The following ANKS1B variants were observed in gnomAD, a reference collection of about 807,000 sequenced individuals.
ANKS1B encodes ankyrin repeat and sterile alpha motif domain containing 1B.
ANKS1B carries 36 observed loss-of-function variants against 148.3 expected under a neutral mutation model. The ratio of observed to expected loss-of-function variants is 0.24; its 90% CI spans 0.19 to 0.32. The LOEUF (loss-of-function observed/expected upper bound fraction) is 0.32. Among genes scored for constraint, ANKS1B ranks in the 10% least tolerant of loss-of-function variants. ANKS1B has a pLI of 1.00. For synonymous variants in ANKS1B, 542 were observed against 560.8 expected, an observed-to-expected ratio of 0.97 and a Z score of 0.47; for missense variants, 1,157 against 1,542.6, an observed-to-expected ratio of 0.75 and a Z score of 4.19.
intron 12 of ANKS1B, among the ~76,000 whole-genome samples, chr12:99,388,131 TA>T (rs1211769587): frequency 6.6e-6 from 1 of 152,034 alleles, no homozygotes. Context: ...ATATCCTTTT[TA>T]AAAAAATAAA....
At chr12:99,867,121 CT>C (rs2090863684) in intron 1 of ANKS1B, among the ~76,000 whole-genome samples, 1 of 152,138 alleles carries the variant, frequency 6.6e-6, no homozygotes, top group Non-Finnish European at 1.5e-5. Context: ...CACCTGGCCA[CT>C]GTAAAGATTA....
At chr12:99,504,383 A>G (rs2096685925) in intron 10 of ANKS1B, 93 bp downstream of exon 10, 2 of 1,293,254 alleles carry the variant, frequency 1.5e-6, no homozygotes, top group Non-Finnish European at 2.2e-6. Context: ...TTTCATTTTG[A>G]TAACATAGTA....
intron 22 of ANKS1B, among the ~76,000 whole-genome samples, chr12:98,784,253 G>A (rs1409424331): frequency 6.6e-6 from 1 of 152,198 alleles, no homozygotes; most frequent in Non-Finnish European, 1.5e-5. Flanking sequence ...GGACAAGGTG[G>A]TTTAAGGAGT....
chr12:99,933,804 TTTGTC>T (rs2094687973), intron 1 of ANKS1B, among the ~76,000 whole-genome samples: 1 of 152,112 alleles, frequency 6.6e-6, no homozygotes, highest in Admixed American at 6.6e-5. Context: ...AGGAAGCATC[TTTGTC>T]TTGTTCTAGA....
intron 17 of ANKS1B, 128 bp downstream of exon 17, chr12:99,053,029 A>G (rs951038864): frequency 1.2e-6 from 1 of 815,944 alleles, no homozygotes; most frequent in African/African-American, 1.8e-5. Context: ...CTTGAGAGAG[A>G]TCGATATTTA....
intron 17 of ANKS1B, among the ~76,000 whole-genome samples, chr12:98,955,776 T>C (rs1028122339): frequency 6.6e-6 from 1 of 152,146 alleles, no homozygotes; most frequent in Non-Finnish European, 1.5e-5. Flanking sequence ...TGGAGAAGTC[T>C]TTTTTAGGGA....
Position 99,424,009 on chromosome 12 carries a change from T to C in ANKS1B, c.1575+19664A>G, listed in dbSNP as rs145709404. On this transcript the variant is annotated intron_variant, in intron 11 of 26. Transcript: ENST00000683438. ...TGAGGGTTAAATTTTTTAAAAAGAT[T>C]ATGAATTGATTAACTTCTCGACTTA... Among the ~76,000 whole-genome samples, 20 of 152,266 alleles carry C rather than the reference T, an allele frequency of 1.3e-4. 1 individual carries two copies. The highest frequency in any genetic ancestry group is 4.6e-4 in the African/African-American group (19 of 41,538).
At chr12:99,633,919 A>G (rs1465762591) in intron 9 of ANKS1B, among the ~76,000 whole-genome samples, 2 of 152,190 alleles carry the variant, frequency 1.3e-5, no homozygotes, top group South Asian at 2.1e-4. Context: ...TGCCTGTATA[A>G]CACCACTGTA....
At chr12:98,769,208 G>GC (rs1593165481) in intron 25 of ANKS1B, among the ~76,000 whole-genome samples, 2 of 105,888 alleles carry the variant, frequency 1.9e-5, no homozygotes, top group East Asian at 7.3e-4. Flanking sequence ...ATTTGGGGCA[G>GC]CCCAGGGGAC....
rs755043837 is a variant in ANKS1B at position 99,246,432 on chromosome 12, T to A, written c.2189A>T (p.His730Leu). 1 of 1,613,922 alleles carries A rather than the reference T, an allele frequency of 6.2e-7. No individual in the cohort carries two copies. The highest frequency in any genetic ancestry group is 1.1e-5 in the South Asian group (1 of 91,068). Residue 730 changes from histidine (H) to leucine (L), a missense_variant, in exon 13 of 27, where the codon CAT becomes CTT. Physicochemically the swap from His to Leu is moderately conservative, Grantham distance 99 (BLOSUM62 -3). This residue lies in a region of ANKS1B where 661 missense variants were observed against 642.1 expected (regional missense o/e 1.03). Transcript: ENST00000683438. ...RSLPKALIDM[H>L]LSKSVSKSDS... ...AGATTTAGAGACACTTTTTGACAAA[T>A]GCATGTCGATCAAGGCTTTAGGCAA... is the stretch of plus-strand genomic sequence containing the variant.
intron 1 of ANKS1B, among the ~76,000 whole-genome samples, chr12:99,923,526 T>G (rs778331637): frequency 1.9e-4 from 29 of 152,082 alleles, no homozygotes; most frequent in Non-Finnish European, 3.8e-4. Context: ...GCCCTTCTGA[T>G]AGAAGGCCAG....
At chr12:99,609,803 C>T (rs1369012867) in intron 9 of ANKS1B, among the ~76,000 whole-genome samples, 1 of 152,070 alleles carries the variant, frequency 6.6e-6, no homozygotes, top group Non-Finnish European at 1.5e-5. Flanking sequence ...ACACAACAGT[C>T]ACAATCCAAA....
At chr12:99,046,177 C>A (rs2099962205) in intron 17 of ANKS1B, among the ~76,000 whole-genome samples, 1 of 152,022 alleles carries the variant, frequency 6.6e-6, no homozygotes, top group South Asian at 2.1e-4. Context: ...CAATACTCTG[C>A]CTTGCCTAAC....
chr12:99,078,753 C>T (rs2048665169), intron 16 of ANKS1B, among the ~76,000 whole-genome samples: 1 of 151,678 alleles, frequency 6.6e-6, no homozygotes, highest in Admixed American at 6.6e-5. Context: ...CCCACCCTGC[C>T]CGCCCTACCC....
chr12:98,798,807 T>C, intron 22 of ANKS1B, 127 bp downstream of exon 22: 1 of 669,762 alleles, frequency 1.5e-6, no homozygotes, highest in Non-Finnish European at 2.4e-6. Context: ...CACCTTTTTA[T>C]GTAATACCAA....
rs1278645811 is a variant in ANKS1B, at chr12:99,002,740, C to T, written c.2778+50417G>A. On this transcript the variant is annotated intron_variant, in intron 17 of 26. Transcript: ENST00000683438. The stretch of plus-strand genomic sequence containing the variant: ...GTTCCTTGTATATTTCAGAAATTAA[C>T]CCCTTCTCCATTACATAGTTTGCAA... Among the ~76,000 whole-genome samples, 7 of 152,114 alleles carry T rather than the reference C, an allele frequency of 4.6e-5. No individual in the cohort carries two copies. In the South Asian group the frequency reaches 1.2e-3, roughly 27 times the overall value.
chr12:99,852,784 C>T (rs756791219), intron 1 of ANKS1B, among the ~76,000 whole-genome samples: 33 of 152,224 alleles, frequency 2.2e-4, no homozygotes, highest in Non-Finnish European at 2.9e-4. Flanking sequence ...TAAGTCTACT[C>T]GCTTTCTCAG....
At chr12:99,670,670 G>A (rs1452966377) in intron 8 of ANKS1B, among the ~76,000 whole-genome samples, 2 of 152,016 alleles carry the variant, frequency 1.3e-5, no homozygotes, top group African/African-American at 4.8e-5. Flanking sequence ...GCATTACAGA[G>A]ATACTAAAAC....
Position 98,938,723 on chromosome 12 carries a change from G to A in ANKS1B, c.2779-106587C>T, listed in dbSNP as rs191511670. Among the ~76,000 whole-genome samples, 159 of 152,342 alleles carry A rather than the reference G, an allele frequency of 1.0e-3. 1 individual carries two copies. Among genetic ancestry groups the A allele is most frequent in the Admixed American group, 5.1e-3 (78 of 15,308 alleles). ...ATGAAAACTTGAGAGCTTAAGACTC[G>A]CCAGCATGGGCTAAGAATAGATCAC... On this transcript the variant is annotated intron_variant, in intron 17 of 26. Coordinates refer to ENST00000683438, the MANE Select transcript of ANKS1B (RefSeq NM_001352186.2).
Sources: allele counts gnomAD v4.1 joint callset (sites outside exome capture counted in the v4.1 genomes callset), GRCh38; gene constraint gnomAD v4.1.1; regional missense constraint gnomAD v4.1.1; transcripts MANE v1.5; gene names NCBI Gene and HGNC (gene_info 2026-07-23, HGNC 2026-07-21).